TXNDC11: variants seen among roughly 807,000 people sequenced by gnomAD.
TXNDC11 encodes thioredoxin domain-containing protein 11.
In TXNDC11, 68 loss-of-function variants were observed where a neutral mutation model predicts 78.0. The observed-to-expected ratio is 0.87, with a 90% CI of 0.72 to 1.07. TXNDC11 has a LOEUF of 1.07. Among genes scored for constraint, TXNDC11 ranks in the 50% least tolerant of loss-of-function variants. TXNDC11 has a pLI of 0.00. For synonymous variants in TXNDC11, 571 were observed against 495.2 expected (o/e 1.15, Z -2.03); for missense variants, 1,389 against 1,221.8 (o/e 1.14, Z -2.04).
At chr16:11,737,566 T>G (rs1171004385) in intron 1 of TXNDC11, among the ~76,000 whole-genome samples, 2 of 149,672 alleles carry the variant, frequency 1.3e-5, no homozygotes, top group East Asian at 4.0e-4. Flanking sequence ...ACAATTACGT[T>G]AAATATAAAA....
rs960885575 is a variant in TXNDC11 at position 11,736,014 on chromosome 16, T to C, written c.471+3A>G. The C allele has an allele frequency of 7.4e-6, 12 of 1,613,392 alleles. No individual in the cohort carries two copies. The highest frequency in any genetic ancestry group is 9.3e-6 in the Non-Finnish European group (11 of 1,179,882). ...TGATTCTTAAGCTGAATGTGAGCAT[T>C]ACCTGATCTGAAAGCCGACTTGCTG... On this transcript the variant is annotated splice_donor_region_variant and intron_variant, in intron 2 of 11. Coordinates refer to ENST00000283033, the MANE Select transcript of TXNDC11 (RefSeq NM_015914.7).
chr16:11,684,763 C>T (rs990568417), intron 10 of TXNDC11, among the ~76,000 whole-genome samples: 3 of 152,214 alleles, frequency 2.0e-5, no homozygotes, highest in African/African-American at 7.2e-5. Context: ...TGCTCAATCA[C>T]TGTGGGAGCT....
intron 6 of TXNDC11, among the ~76,000 whole-genome samples, chr16:11,699,328 T>C (rs2050944278): frequency 6.6e-6 from 1 of 152,212 alleles, no homozygotes; most frequent in South Asian, 2.1e-4. Flanking sequence ...TACCCTTTAC[T>C]ATAAATAAAT....
At chr16:11,718,306 G>T (rs2051603580) in intron 5 of TXNDC11, among the ~76,000 whole-genome samples, 1 of 152,212 alleles carries the variant, frequency 6.6e-6, no homozygotes, top group South Asian at 2.1e-4. Flanking sequence ...AAAGGCATGT[G>T]TATTGTATAA....
chr16:11,698,063 G>T (rs1346702109), intron 7 of TXNDC11, 62 bp downstream of exon 7: 1 of 1,502,276 alleles, frequency 6.7e-7, no homozygotes, highest in Admixed American at 1.7e-5. Flanking sequence ...TGGGATGAGA[G>T]GAGCCAGGTA....
At chr16:11,710,659 A>C (rs2051323806) in intron 5 of TXNDC11, among the ~76,000 whole-genome samples, 1 of 152,190 alleles carries the variant, frequency 6.6e-6, no homozygotes, top group African/African-American at 2.4e-5. Flanking sequence ...AGAGCAGCCT[A>C]GGCAACATGG....
chr16:11,727,585 G>GT (rs2051919891), intron 4 of TXNDC11, among the ~76,000 whole-genome samples: 2 of 152,160 alleles, frequency 1.3e-5, no homozygotes, highest in South Asian at 4.1e-4. Flanking sequence ...AAAGTGAGTA[G>GT]TTTGAGTAAA....
chr16:11,694,413 C>T (rs535681019), intron 7 of TXNDC11, among the ~76,000 whole-genome samples: 16 of 151,244 alleles, frequency 1.1e-4, no homozygotes, highest in Non-Finnish European at 1.8e-4. Context: ...GCTGTAATCC[C>T]ACTGGGATTG....
Position 11,679,883 on chromosome 16 carries a change from CAAT to C in TXNDC11, c.2235-49_2235-47del. On this transcript the variant is annotated intron_variant, in intron 11 of 11. Transcript: ENST00000283033. The surrounding 1 kb of genome is among the most constrained non-coding windows in gnomAD (Gnocchi z 4.6). ...AGCAAAGACAGGAGTCACACCAACA[CAAT>C]GAGTCCAAAAGCAGGCTGTACCTGA... is the stretch of plus-strand genomic sequence containing the variant. 1.3e-6 allele frequency: 2 copies of C among 1,543,348 alleles called. No homozygotes were observed. Among genetic ancestry groups the C allele is most frequent in the Non-Finnish European group, 1.8e-6 (2 of 1,130,740 alleles).
chr16:11,682,689 A>G (rs927884201), intron 11 of TXNDC11, among the ~76,000 whole-genome samples: 4 of 152,224 alleles, frequency 2.6e-5, no homozygotes, highest in African/African-American at 9.7e-5. Context: ...GCCCACACAG[A>G]TGAAAGTGTT....
At chr16:11,719,327 T>C (rs1478045271) in intron 5 of TXNDC11, among the ~76,000 whole-genome samples, 1 of 152,252 alleles carries the variant, frequency 6.6e-6, no homozygotes, top group Non-Finnish European at 1.5e-5. Flanking sequence ...TTATTTAAGC[T>C]GGCAGTATTT....
intron 5 of TXNDC11, among the ~76,000 whole-genome samples, chr16:11,720,643 C>A (rs1597472339): frequency 6.6e-6 from 1 of 152,042 alleles, no homozygotes; most frequent in South Asian, 2.1e-4. Flanking sequence ...TCTCGAACTC[C>A]TGACCTCAGG....
Position 11,733,963 on chromosome 16 carries a change from C to T in TXNDC11, c.569+19G>A. On this transcript the variant is annotated intron_variant, in intron 3 of 11. Coordinates refer to ENST00000283033, the MANE Select transcript of TXNDC11 (RefSeq NM_015914.7). ...GCAAACTAAACTGGAATGAGAGACGCTATTTAAAAAGTTCTTACCTCCGAT... is the reference window on the plus strand; with the variant it reads ...GCAAACTAAACTGGAATGAGAGACGTTATTTAAAAAGTTCTTACCTCCGAT... 1 of 1,545,116 alleles carries T rather than the reference C, an allele frequency of 6.5e-7. No homozygotes were observed. Among genetic ancestry groups the T allele is most frequent in the African/African-American group, 1.4e-5 (1 of 73,462 alleles).
chr16:11,727,828 T>A (rs2051929074), intron 4 of TXNDC11, among the ~76,000 whole-genome samples: 1 of 152,204 alleles, frequency 6.6e-6, no homozygotes, highest in African/African-American at 2.4e-5. Context: ...CTTAAGGCCT[T>A]AATTGGGAAA....
chr16:11,696,947 T>C (rs955985234), intron 7 of TXNDC11, among the ~76,000 whole-genome samples: 2 of 152,192 alleles, frequency 1.3e-5, no homozygotes, highest in African/African-American at 2.4e-5. Flanking sequence ...CCACACCACC[T>C]TGACCGAAAA....
intron 7 of TXNDC11, among the ~76,000 whole-genome samples, chr16:11,692,706 G>C (rs375498815): frequency 3.3e-5 from 5 of 152,290 alleles, no homozygotes; most frequent in African/African-American, 1.2e-4. Context: ...CAGGGTAGAT[G>C]AGAGTGCAGG....
At chr16:11,696,900 C>A (rs2050874493) in intron 7 of TXNDC11, among the ~76,000 whole-genome samples, 1 of 152,142 alleles carries the variant, frequency 6.6e-6, no homozygotes, top group Non-Finnish European at 1.5e-5. Flanking sequence ...CACACCCAAA[C>A]CAGACAGGAG....
chr16:11,742,751 C>G lies in TXNDC11; in HGVS notation c.-21G>C. 2 of 1,443,336 alleles carry G rather than the reference C, an allele frequency of 1.4e-6. No homozygotes were observed. Among genetic ancestry groups the G allele is most frequent in the Non-Finnish European group, 1.8e-6 (2 of 1,107,496 alleles). 89.4% of individuals were successfully genotyped at this position (1,443,336 alleles called of 1,614,324 possible). A position where few individuals can be genotyped will look rare whatever the true frequency, so the allele number is the denominator to read the frequency against. ...GACATTACATGCTCCCAGTCGCCGGCTTTATACCGCCGCCGCCGCCTCGGG... is the reference window on the plus strand; with the variant it reads ...GACATTACATGCTCCCAGTCGCCGGGTTTATACCGCCGCCGCCGCCTCGGG... On this transcript the variant is annotated 5_prime_UTR_variant, in exon 1 of 12. Transcript: ENST00000283033.
intron 4 of TXNDC11, among the ~76,000 whole-genome samples, chr16:11,729,066 G>A (rs2051967823): frequency 6.6e-6 from 1 of 152,198 alleles, no homozygotes. Flanking sequence ...TCTGACTCCT[G>A]ATTCTTCACC....
Sources: allele counts gnomAD v4.1 joint callset (sites outside exome capture counted in the v4.1 genomes callset), GRCh38; gene constraint gnomAD v4.1.1; non-coding constraint Gnocchi (gnomAD v3.1); transcripts MANE v1.5; gene names NCBI Gene and HGNC (gene_info 2026-07-23, HGNC 2026-07-21).